Variants in FAP observed in about 807,000 individuals in gnomAD.
The protein encoded by FAP is prolyl endopeptidase FAP.
Under a neutral mutation model 126.5 loss-of-function variants are expected in FAP, and 110 were observed. The ratio of observed to expected loss-of-function variants is 0.87; its 90% confidence interval spans 0.74 to 1.02. FAP has a LOEUF of 1.02. Among genes scored for constraint, FAP ranks in the 50% least tolerant of loss-of-function variants. The probability of loss-of-function intolerance (pLI) is 0.00; values close to 1 mark genes in which losing one functional copy is unlikely to be tolerated. For missense variants in FAP, 919 were observed against 909.2 expected (o/e 1.01, Z -0.14); for synonymous variants, 334 against 297.3 (o/e 1.12, Z -1.27).
At chr2:162,242,774 A>G (rs1576208974) in intron 2 of FAP, 134 bp downstream of exon 2, 2 of 662,412 alleles carry the variant, frequency 3.0e-6, no homozygotes, top group Non-Finnish European at 2.7e-6. Flanking sequence ...CTGTGAGCTT[A>G]TATGTCTTCT....
chr2:162,235,033 C>A (rs897037175), intron 2 of FAP, among the ~76,000 whole-genome samples: 2 of 152,298 alleles, frequency 1.3e-5, no homozygotes, highest in Middle Eastern at 6.8e-3. Flanking sequence ...TGCTGGCCCA[C>A]CGAGGCTGCC....
At chr2:162,233,879 A>T (rs895258914) in intron 2 of FAP, among the ~76,000 whole-genome samples, 3 of 152,158 alleles carry the variant, frequency 2.0e-5, no homozygotes, top group African/African-American at 4.8e-5. Context: ...ATTTTGAGTT[A>T]ATTTTTGTGT....
intron 12 of FAP, among the ~76,000 whole-genome samples, chr2:162,204,820 TA>T (rs1382216616): frequency 1.3e-5 from 2 of 152,134 alleles, no homozygotes; most frequent in Non-Finnish European, 2.9e-5. Flanking sequence ...CTAGAATCAA[TA>T]AATCAGTCAA....
chr2:162,214,558 A>G (rs1689094464), intron 10 of FAP, among the ~76,000 whole-genome samples: 1 of 151,514 alleles, frequency 6.6e-6, no homozygotes, highest in Non-Finnish European at 1.5e-5. Context: ...GACTTGTGGA[A>G]TAAATCACAG....
Position 162,174,526 on chromosome 2 carries a change from C to T in FAP, c.1969+341G>A, listed in dbSNP as rs577022332. 6.3e-4 allele frequency among the ~76,000 whole-genome samples: 96 copies of T among 152,158 alleles called. 2 individuals carry two copies. Among genetic ancestry groups the T allele is most frequent in the African/African-American group, 2.2e-3 (93 of 41,524 alleles). ...TGAACTGCTTGGCCTCTGGCCTGAC[C>T]GTGCTGAAGATGTGCTTAAAAGCCA... On this transcript the variant is annotated intron_variant, in intron 22 of 25. Transcript: ENST00000188790.
intron 16 of FAP, chr2:162,197,705 C>T (rs879933410): frequency 5.3e-5 from 24 of 454,220 alleles, no homozygotes; most frequent in Non-Finnish European, 8.4e-5. Context: ...AGCCTTCATT[C>T]TGGTTCCCTT....
At chr2:162,216,723 G>A (rs1309534287) in intron 9 of FAP, among the ~76,000 whole-genome samples, 1 of 152,210 alleles carries the variant, frequency 6.6e-6, no homozygotes, top group African/African-American at 2.4e-5. Flanking sequence ...TGAAATGTAG[G>A]TGCACAGTAT....
chr2:162,243,112 C>T (rs1244292240), intron 1 of FAP, 120 bp from the exon 2 acceptor site: 3 of 880,602 alleles, frequency 3.4e-6, no homozygotes, highest in Non-Finnish European at 5.4e-6. Flanking sequence ...GATTGTTTTC[C>T]ACTGATCCGG....
chr2:162,182,903 T>C (rs1687741688), intron 21 of FAP, among the ~76,000 whole-genome samples: 1 of 152,150 alleles, frequency 6.6e-6, no homozygotes, highest in African/African-American at 2.4e-5. Context: ...AGTACTTTTC[T>C]CCAGTTAGCA....
intron 12 of FAP, among the ~76,000 whole-genome samples, chr2:162,203,528 T>A (rs541628425): frequency 1.3e-5 from 2 of 152,364 alleles, no homozygotes; most frequent in African/African-American, 4.8e-5. Flanking sequence ...GCTCATTGAC[T>A]ATACCTCTTT....
intron 16 of FAP, among the ~76,000 whole-genome samples, chr2:162,196,685 C>T (rs1688265688): frequency 6.6e-6 from 1 of 152,050 alleles, no homozygotes; most frequent in South Asian, 2.1e-4. Flanking sequence ...TGTTTTGATC[C>T]TATCATCTGG....
chr2:162,171,118 G>A (rs745628674), intron 25 of FAP, 38 bp from the exon 26 acceptor site: 15 of 1,522,570 alleles, frequency 9.9e-6, no homozygotes, highest in Admixed American at 8.5e-5. Context: ...TATTCCTGCA[G>A]TCATCAAATG....
In FAP at chr2:162,226,641, A is replaced by T; in HGVS notation, c.92-20T>A. On this transcript the variant is annotated intron_variant, in intron 2 of 25. Coordinates refer to ENST00000188790, the MANE Select transcript of FAP (RefSeq NM_004460.5). ...TATGAACTTTGGGGGAAGAGCAAAT[A>T]CATCCTTATTAAAAAGAAGGTTAAC... is the stretch of plus-strand genomic sequence containing the variant. 7 of 1,285,560 alleles carry T rather than the reference A, an allele frequency of 5.4e-6. No individual in the cohort carries two copies. The highest frequency in any genetic ancestry group is 1.9e-4 in the Middle Eastern group (1 of 5,380). The allele number at this position is 1,285,560 out of a possible 1,614,324, so 79.6% of individuals were successfully genotyped here.
chr2:162,189,673 A>C lies in FAP; in HGVS notation c.1532T>G (p.Leu511Arg), dbSNP rs1255286924. The C allele has an allele frequency of 6.4e-7, 1 of 1,566,958 alleles. No homozygotes were observed. Among genetic ancestry groups the C allele is most frequent in the African/African-American group, 1.4e-5 (1 of 73,252 alleles). Residue 511 changes from leucine (L) to arginine (R), a missense_variant, in exon 18 of 26, where the codon CTT becomes CGT. Transcript: ENST00000188790. The stretch of plus-strand genomic sequence containing the variant: ...GATCTTACTAATTTCATCTACTTCA[A>C]GTTTCTTAATTTCCTCTTTAGGCAG... The part of the protein sequence containing the change: ...IQLPKEEIKK[L>R]EVDEITLWYK...
chr2:162,215,216 G>A (rs16846386), intron 10 of FAP, among the ~76,000 whole-genome samples: 20,417 of 152,160 alleles, frequency 0.13, 3,150 homozygotes, highest in African/African-American at 0.35. Context: ...GCTCTTCTTC[G>A]TGAAGCAGAA....
intron 20 of FAP, among the ~76,000 whole-genome samples, chr2:162,184,554 T>C (rs1444467929): frequency 1.3e-5 from 2 of 152,208 alleles, no homozygotes; most frequent in Non-Finnish European, 2.9e-5. Context: ...GACAAACAGA[T>C]GGGAAGAGGC....
rs371519998 is a variant in FAP, at chr2:162,219,871, C to G, written c.468G>C (p.Ser156=). ...CACTTACTAATTTACTCCCAACAGG[C>G]GACCAGCATAAATACTGAATTGGAC... ...LPRPIQYLCW[S]PVGSKLAYVY... Residue 156 remains serine (S), a synonymous_variant, in exon 7 of 26, where the codon TCG becomes TCC. Coordinates refer to ENST00000188790, the MANE Select transcript of FAP (RefSeq NM_004460.5). 1.2e-6 allele frequency: 2 copies of G among 1,610,588 alleles called. No homozygotes were observed. The highest frequency in any genetic ancestry group is 1.7e-6 in the Non-Finnish European group (2 of 1,177,138).
At chr2:162,241,946 A>G (rs182426116) in intron 2 of FAP, among the ~76,000 whole-genome samples, 40 of 152,246 alleles carry the variant, frequency 2.6e-4, no homozygotes, top group Non-Finnish European at 5.6e-4. Context: ...TGTTCTTTTT[A>G]ATAGCAACAG....
intron 21 of FAP, among the ~76,000 whole-genome samples, chr2:162,182,035 G>A (rs1197555340): frequency 6.6e-6 from 1 of 152,110 alleles, no homozygotes; most frequent in Admixed American, 6.6e-5. Context: ...GCAATTGACG[G>A]GTGGGGGTTC....
Sources: gnomAD v4.1 joint callset for allele counts (sites outside exome capture counted in the v4.1 genomes callset) on GRCh38, gnomAD v4.1.1 for gene constraint, MANE v1.5 for transcripts, NCBI Gene and HGNC (gene_info 2026-07-23, HGNC 2026-07-21) for gene names.